Variants in CPXM2 observed in about 807,000 individuals in gnomAD.
The protein encoded by CPXM2 is inactive carboxypeptidase-like protein X2.
A neutral mutation model predicts 86.1 loss-of-function variants in CPXM2; 66 were observed. The observed-to-expected ratio is 0.77, with a 90% confidence interval of 0.63 to 0.94. CPXM2 has a LOEUF of 0.94. Ranked by LOEUF, CPXM2 falls within the 40% of genes least tolerant of loss-of-function variation. The pLI, the probability that CPXM2 is intolerant of heterozygous loss-of-function variation, is 0.00. For synonymous variants in CPXM2, 388 were observed against 400.2 expected (o/e 0.97, Z 0.36); for missense variants, 948 against 1,026.3 (o/e 0.92, Z 1.04).
chr10:123,829,951 G>GA (rs59952078), intron 4 of CPXM2, among the ~76,000 whole-genome samples: 1,584 of 114,122 alleles, frequency 0.014, 26 homozygotes, highest in African/African-American at 0.037. Flanking sequence ...AGCCATTTGA[G>GA]AAAAAAAAAA....
intron 6 of CPXM2, among the ~76,000 whole-genome samples, chr10:123,784,817 C>G (rs575257006): frequency 6.6e-6 from 1 of 152,328 alleles, no homozygotes; most frequent in South Asian, 2.1e-4. Context: ...GATGACTAAG[C>G]CTTCTCCCGT....
chr10:123,928,807 C>T (rs1478185671), intron 2 of CPXM2, among the ~76,000 whole-genome samples: 1 of 152,260 alleles, frequency 6.6e-6, no homozygotes, highest in Non-Finnish European at 1.5e-5. Flanking sequence ...GCTTCCCAGA[C>T]ATCAGAGATA....
chr10:123,788,566 T>C (rs1368296173), intron 6 of CPXM2, among the ~76,000 whole-genome samples: 4 of 152,158 alleles, frequency 2.6e-5, no homozygotes, highest in African/African-American at 4.8e-5. Flanking sequence ...CGCCCTTGCC[T>C]TTTAAAAGTG....
At chr10:123,878,296 CTTTTTTTTTTTTTTT>C (rs72163200) in intron 2 of CPXM2, among the ~76,000 whole-genome samples, 3,765 of 122,854 alleles carry the variant, frequency 0.031, 127 homozygotes, top group East Asian at 0.15. Flanking sequence ...TTTTTTCTCT[CTTTTTTTTTTTTTTT>C]TTTTTTTTTT....
chr10:123,817,359 A>G (rs927220335), intron 4 of CPXM2, among the ~76,000 whole-genome samples: 3 of 152,184 alleles, frequency 2.0e-5, no homozygotes, highest in African/African-American at 7.2e-5. Context: ...CCTCATAAGT[A>G]AATCACAGCA....
chr10:123,848,962 G>A (rs998571755), intron 3 of CPXM2, among the ~76,000 whole-genome samples: 1 of 152,206 alleles, frequency 6.6e-6, no homozygotes, highest in Admixed American at 6.5e-5. Flanking sequence ...GAAGCCACTG[G>A]GGGTACAAGT....
At chr10:123,837,931 T>A (rs1848311624) in intron 4 of CPXM2, among the ~76,000 whole-genome samples, 1 of 152,176 alleles carries the variant, frequency 6.6e-6, no homozygotes. Flanking sequence ...CTCCCAGGTC[T>A]CACAGCAGCT....
chr10:123,817,597 G>T (rs984664546), intron 4 of CPXM2, among the ~76,000 whole-genome samples: 1 of 152,178 alleles, frequency 6.6e-6, no homozygotes, highest in African/African-American at 2.4e-5. Context: ...TCAAATAGAA[G>T]TGGTATATAC....
At chr10:123,770,355 A>C (rs1846599576) in intron 8 of CPXM2, among the ~76,000 whole-genome samples, 1 of 152,234 alleles carries the variant, frequency 6.6e-6, no homozygotes, top group Non-Finnish European at 1.5e-5. Context: ...ACCCTGATGA[A>C]TGTTAAAGTA....
intron 4 of CPXM2, among the ~76,000 whole-genome samples, chr10:123,805,967 G>A (rs543093633): frequency 6.6e-6 from 1 of 152,054 alleles, no homozygotes; most frequent in East Asian, 1.9e-4. Flanking sequence ...GCATTATTTT[G>A]GAATTCATTT....
rs188808446 is a variant in CPXM2, at chr10:123,749,963, G to A, written c.2018-2946C>T. On this transcript the variant is annotated intron_variant, in intron 13 of 13. Coordinates refer to ENST00000241305, the MANE Select transcript of CPXM2 (RefSeq NM_198148.3). ...TGGGATTACAGGTGTGCACCATCATGCTCGGCTAATTTTTGTTTTTTTTTT... is the reference window on the plus strand; with the variant it reads ...TGGGATTACAGGTGTGCACCATCATACTCGGCTAATTTTTGTTTTTTTTTT... 1.5e-3 allele frequency: 421 copies of A among 288,718 alleles called. 2 individuals carry two copies. Among genetic ancestry groups the A allele is most frequent in the African/African-American group, 8.7e-3 (367 of 42,292 alleles). 17.9% of individuals were successfully genotyped at this position (288,718 alleles called of 1,614,324 possible).
intron 4 of CPXM2, among the ~76,000 whole-genome samples, chr10:123,838,384 G>A (rs989983818): frequency 2.0e-5 from 3 of 152,192 alleles, no homozygotes; most frequent in African/African-American, 7.2e-5. Flanking sequence ...AACCTGGGAG[G>A]TGGAGGTTGC....
intron 3 of CPXM2, among the ~76,000 whole-genome samples, chr10:123,854,176 G>A (rs77462217): frequency 0.039 from 5,846 of 149,960 alleles, 386 homozygotes; most frequent in African/African-American, 0.13. Context: ...ACTGCTGAAC[G>A]CACACACAGG....
intron 2 of CPXM2, among the ~76,000 whole-genome samples, chr10:123,937,143 C>A (rs1340370216): frequency 6.6e-6 from 1 of 152,118 alleles, no homozygotes; most frequent in Non-Finnish European, 1.5e-5. Flanking sequence ...TCCAGGTGAC[C>A]CTAATTTTCC....
At position 123,768,552 on chromosome 10, in the gene CPXM2, C is replaced by A. The variant is rs367761553; in HGVS notation, c.1273G>T (p.Asp425Tyr). 5.6e-6 allele frequency: 9 copies of A among 1,613,612 alleles called. No individual in the cohort carries two copies. Among genetic ancestry groups the A allele is most frequent in the Non-Finnish European group, 6.8e-6 (8 of 1,179,752 alleles). ...CCTTCGTAGGCCTTCTCGTAGCCAT[C>A]GGGGTTGAGGGAGGGGAGGACGTGA... Reference protein sequence around the residue: ...RIHVLPSLNPDGYEKAYEGGS... With the variant: ...RIHVLPSLNPYGYEKAYEGGS... Residue 425 changes from aspartate to tyrosine, a missense_variant, in exon 9 of 14, where the codon GAT becomes TAT. By Grantham distance (160) the Asp-to-Tyr change is radical. Transcript: ENST00000241305.
intron 1 of CPXM2, among the ~76,000 whole-genome samples, chr10:123,884,477 A>G (rs554119160): frequency 1.3e-5 from 2 of 152,216 alleles, no homozygotes; most frequent in African/African-American, 2.4e-5. Flanking sequence ...CCCTTATCCA[A>G]TTCTGAGGAC....
chr10:123,939,301 C>A (rs1034427038), intron 2 of CPXM2, among the ~76,000 whole-genome samples: 1 of 152,088 alleles, frequency 6.6e-6, no homozygotes, highest in African/African-American at 2.4e-5. Flanking sequence ...ACTAGAAAAG[C>A]GGCACCAAGC....
rs188226945 is a variant in CPXM2 at position 123,845,362 on chromosome 10, G to T, written c.514-2874C>A. Among the ~76,000 whole-genome samples the T allele has an allele frequency of 2.2e-3, 340 of 151,452 alleles. 1 individual carries two copies. The highest frequency in any genetic ancestry group is 7.6e-3 in the African/African-American group (312 of 41,320). ...AAACTATAATAGAGAACAGAAAAAAGGCTTTAAAAATCTATAATTAATATT... is the reference window on the plus strand; with the variant it reads ...AAACTATAATAGAGAACAGAAAAAATGCTTTAAAAATCTATAATTAATATT... On this transcript the variant is annotated intron_variant, in intron 3 of 13. Transcript: ENST00000241305.
At chr10:123,787,993 A>C (rs1489958520) in intron 6 of CPXM2, among the ~76,000 whole-genome samples, 1 of 151,974 alleles carries the variant, frequency 6.6e-6, no homozygotes, top group Non-Finnish European at 1.5e-5. Context: ...AGAAATGCAA[A>C]TACAGGCTGA....
Sources: allele counts gnomAD v4.1 joint callset (sites outside exome capture counted in the v4.1 genomes callset), GRCh38; gene constraint gnomAD v4.1.1; transcripts MANE v1.5; gene names NCBI Gene and HGNC (gene_info 2026-07-23, HGNC 2026-07-21).